The following TP63 variants were observed in gnomAD, a reference collection of about 807,000 sequenced individuals.
TP63 encodes the protein tumor protein p63.
A neutral mutation model predicts 82.8 loss-of-function variants in TP63; 17 were observed. That is an observed-to-expected ratio of 0.21 (90% confidence interval 0.14 to 0.31). TP63 has a LOEUF of 0.31. Among genes scored for constraint, TP63 ranks in the 10% least tolerant of loss-of-function variants. The probability of loss-of-function intolerance (pLI) is 1.00; values close to 1 mark genes in which losing one functional copy is unlikely to be tolerated. For missense variants in TP63, 648 were observed against 895.3 expected, an observed-to-expected ratio of 0.72 and a Z score of 3.52; for synonymous variants, 330 against 321.7, an observed-to-expected ratio of 1.03 and a Z score of -0.28.
In TP63 at chr3:189,754,932, G is replaced by A. The variant is rs182379698; in HGVS notation, c.324+16158G>A. On this transcript the variant is annotated intron_variant, in intron 3 of 13. Coordinates refer to ENST00000264731, the MANE Select transcript of TP63 (RefSeq NM_003722.5). Reference sequence around the variant, plus strand: ...TTACCCAGAAAACCGCTAAAATTCAGTGTAGGCAGATTTGATTAAAGGCTG... The same window carrying A: ...TTACCCAGAAAACCGCTAAAATTCAATGTAGGCAGATTTGATTAAAGGCTG... Among the ~76,000 whole-genome samples the A allele has an allele frequency of 1.7e-3, 256 of 151,972 alleles. 3 individuals carry two copies. The highest frequency in any genetic ancestry group is 8.1e-4 in the Non-Finnish European group (55 of 67,962).
At chr3:189,820,097 T>G (rs537242381) in intron 4 of TP63, among the ~76,000 whole-genome samples, 1 of 152,324 alleles carries the variant, frequency 6.6e-6, no homozygotes, top group African/African-American at 2.4e-5. Context: ...TACTTTTGTA[T>G]GCAAATGTAA....
the TP63 span, among the ~76,000 whole-genome samples, chr3:189,620,105 G>T: frequency 6.6e-6 from 1 of 152,262 alleles, no homozygotes; most frequent in African/African-American, 2.4e-5. Context: ...GGGTGTGGTG[G>T]CTCATGCCTG....
In TP63 at chr3:189,696,528, A is replaced by T. The variant is rs1717392115; in HGVS notation, c.63-41212A>T. On this transcript the variant is annotated intron_variant, in intron 1 of 13. Coordinates refer to ENST00000264731, the MANE Select transcript of TP63 (RefSeq NM_003722.5). ...AACATTCCAATGTGTGTTTTTGCGT[A>T]GATGTAAGTTTTAAATCAGTTGGGT... is the stretch of plus-strand genomic sequence containing the variant. Among the ~76,000 whole-genome samples the T allele has an allele frequency of 1.3e-5, 2 of 152,166 alleles. 1 individual carries two copies. The highest frequency in any genetic ancestry group is 4.8e-5 in the African/African-American group (2 of 41,452).
chr3:189,629,997 G>C (rs1729403401), upstream of TP63, among the ~76,000 whole-genome samples: 2 of 152,140 alleles, frequency 1.3e-5, no homozygotes, highest in Non-Finnish European at 2.9e-5. Context: ...TGGCCTGTTT[G>C]TGAATTTCAC....
At chr3:189,655,545 C>T (rs1449803665) in intron 1 of TP63, among the ~76,000 whole-genome samples, 1 of 152,076 alleles carries the variant, frequency 6.6e-6, no homozygotes, top group Non-Finnish European at 1.5e-5. Flanking sequence ...TTGCTTGAAC[C>T]CAGGAGGTGG....
At chr3:189,745,864 CAGTT>C (rs976087692) in intron 3 of TP63, among the ~76,000 whole-genome samples, 22 of 149,958 alleles carry the variant, frequency 1.5e-4, no homozygotes, top group African/African-American at 2.7e-4. Flanking sequence ...AAAAATAACA[CAGTT>C]AGATAAAAAT....
At chr3:189,613,528 A>G in the TP63 span, among the ~76,000 whole-genome samples, 155 of 152,284 alleles carry the variant, frequency 1.0e-3, no homozygotes, top group Non-Finnish European at 1.7e-3. Context: ...GCAGAAGGGA[A>G]ATTTGGGGTC....
intron 4 of TP63, among the ~76,000 whole-genome samples, chr3:189,824,495 A>G (rs2108682583): frequency 6.6e-6 from 1 of 152,156 alleles, no homozygotes; most frequent in East Asian, 1.9e-4. Context: ...AGCCTCCCAA[A>G]GTGCTGGGAT....
intron 1 of TP63, among the ~76,000 whole-genome samples, chr3:189,716,865 C>A (rs1291454256): frequency 6.6e-6 from 1 of 151,842 alleles, no homozygotes; most frequent in Admixed American, 6.6e-5. Context: ...GTGGCGCAAT[C>A]TCGGCTCATT....
At chr3:189,656,177 G>A (rs1413353696) in intron 1 of TP63, among the ~76,000 whole-genome samples, 1 of 152,150 alleles carries the variant, frequency 6.6e-6, no homozygotes, top group African/African-American at 2.4e-5. Flanking sequence ...TGATTAAAGT[G>A]TATAGCAGGG....
chr3:189,717,284 A>G (rs1719035382), intron 1 of TP63, among the ~76,000 whole-genome samples: 1 of 152,214 alleles, frequency 6.6e-6, no homozygotes, highest in African/African-American at 2.4e-5. Flanking sequence ...CCTTTCCAAC[A>G]TGCAAACACA....
intron 9 of TP63, among the ~76,000 whole-genome samples, chr3:189,872,371 T>C (rs985788377): frequency 1.3e-5 from 2 of 151,144 alleles, no homozygotes; most frequent in African/African-American, 4.9e-5. Context: ...CAATTAGCCT[T>C]ATAACTCATG....
chr3:189,807,367 A>G (rs548344480), intron 3 of TP63, among the ~76,000 whole-genome samples: 1 of 152,372 alleles, frequency 6.6e-6, no homozygotes, highest in South Asian at 2.1e-4. Flanking sequence ...AGTTTTTTGT[A>G]GAGTAAATGA....
In TP63 at chr3:189,674,506, C is replaced by G. The variant is rs200460298; in HGVS notation, c.62+42929C>G. ...TATAGAATGATTTATCGAGGTTACACTGTGGGCAATGAGGGATTTTTTTCC... is the reference window on the plus strand; with the variant it reads ...TATAGAATGATTTATCGAGGTTACAGTGTGGGCAATGAGGGATTTTTTTCC... On this transcript the variant is annotated intron_variant, in intron 1 of 13. Transcript: ENST00000264731. Among the ~76,000 whole-genome samples the G allele has an allele frequency of 5.3e-5, 8 of 152,224 alleles. No individual in the cohort carries two copies. The East Asian group carries it at 9.7e-4, about 18-fold the overall frequency.
At chr3:189,840,488 G>C (rs1713911708) in intron 4 of TP63, among the ~76,000 whole-genome samples, 1 of 139,856 alleles carries the variant, frequency 7.2e-6, no homozygotes, top group African/African-American at 2.7e-5. Context: ...GTTTATGAGA[G>C]AGACAGAGAG....
Position 189,737,807 on chromosome 3 carries a change from A to G in TP63, c.130A>G (p.Thr44Ala). Residue 44 changes from threonine to alanine, a missense_variant, in exon 2 of 14, where the codon ACA becomes GCA. This residue lies in a region of TP63 where 182 missense variants were observed against 213.6 expected (regional missense o/e 0.85). Transcript: ENST00000264731. ...TTACCGATCCACCATGTCCCAGAGC[A>G]CACAGACAAATGAATTCCTCAGTCC... ...SYYRSTMSQS[T>A]QTNEFLSPEV... is the part of the protein sequence containing the mutation. The G allele has an allele frequency of 6.2e-7, 1 of 1,614,062 alleles. No homozygotes were observed. Among genetic ancestry groups the G allele is most frequent in the Non-Finnish European group, 8.5e-7 (1 of 1,179,906 alleles).
chr3:189,681,703 T>C (rs1487457658), intron 1 of TP63, among the ~76,000 whole-genome samples: 2 of 152,128 alleles, frequency 1.3e-5, no homozygotes, highest in African/African-American at 4.8e-5. Flanking sequence ...TTTTTTCTAC[T>C]CTCTCGCTGA....
At position 189,894,340 on chromosome 3, in the gene TP63, T is replaced by C. The variant is rs1721308987; in HGVS notation, c.1881T>C (p.Ser627=). ...LRTPSSASTV[S]VGSSETRGER... ...CCCCAAGCAGTGCCTCTACAGTCAG[T>C]GTGGGCTCCAGTGAGACCCGGGGTG... is the stretch of plus-strand genomic sequence containing the variant. Residue 627 remains serine, a synonymous_variant, in exon 14 of 14, where the codon AGT becomes AGC. Transcript: ENST00000264731. 6.2e-6 allele frequency: 10 copies of C among 1,614,076 alleles called. No individual in the cohort carries two copies. Among genetic ancestry groups the C allele is most frequent in the Non-Finnish European group, 8.5e-6 (10 of 1,180,018 alleles).
intron 10 of TP63, among the ~76,000 whole-genome samples, chr3:189,883,108 C>T (rs1239297569): frequency 6.6e-6 from 1 of 152,086 alleles, no homozygotes; most frequent in East Asian, 1.9e-4. Context: ...TTCTTCTGAA[C>T]ACATTTTCCT....
Sources: allele counts gnomAD v4.1 joint callset (sites outside exome capture counted in the v4.1 genomes callset), GRCh38; gene constraint gnomAD v4.1.1; regional missense constraint gnomAD v4.1.1; transcripts MANE v1.5; gene names NCBI Gene and HGNC (gene_info 2026-07-23, HGNC 2026-07-21).